NR6A1: variants seen among roughly 807,000 people sequenced by gnomAD.
NR6A1 encodes nuclear receptor subfamily 6 group A member 1, also known as retinoic acid receptor-related testis-associated receptor.
NR6A1 carries 7 observed loss-of-function variants against 59.1 expected under a neutral mutation model. That is an observed-to-expected ratio of 0.12 (90% CI 0.07 to 0.22). The LOEUF is 0.22. NR6A1 is among the 10% of genes least tolerant of loss of function. The pLI, the probability that NR6A1 is intolerant of heterozygous loss-of-function variation, is 1.00. For missense variants in NR6A1, 468 were observed against 611.6 expected (o/e 0.77, Z 2.48); for synonymous variants, 243 against 236.1 (o/e 1.03, Z -0.27).
At chr9:124,621,985 G>A (rs1312920264) in intron 2 of NR6A1, among the ~76,000 whole-genome samples, 1 of 152,122 alleles carries the variant, frequency 6.6e-6, no homozygotes, top group Non-Finnish European at 1.5e-5. Flanking sequence ...AGGCCGAGGC[G>A]GGCTGATCTC....
At chr9:124,574,017 C>T (rs1834522310) in intron 2 of NR6A1, among the ~76,000 whole-genome samples, 1 of 152,130 alleles carries the variant, frequency 6.6e-6, no homozygotes, top group South Asian at 2.1e-4. Context: ...CTAAAAACAT[C>T]AATATGTAAA....
At chr9:124,628,742 G>A (rs1322389691) in intron 2 of NR6A1, among the ~76,000 whole-genome samples, 2 of 151,992 alleles carry the variant, frequency 1.3e-5, no homozygotes, top group East Asian at 3.9e-4. Flanking sequence ...CCGGGTTCAA[G>A]CAATTCTCCT....
At chr9:124,634,655 A>G (rs949221263) in intron 2 of NR6A1, among the ~76,000 whole-genome samples, 3 of 152,194 alleles carry the variant, frequency 2.0e-5, no homozygotes, top group African/African-American at 7.2e-5. Flanking sequence ...CCCCGTCTCT[A>G]CTAAAAATAC....
intron 2 of NR6A1, among the ~76,000 whole-genome samples, chr9:124,588,587 G>A (rs77476881): frequency 6.7e-6 from 1 of 149,612 alleles, no homozygotes; most frequent in Non-Finnish European, 1.5e-5. Flanking sequence ...GATTACAGGC[G>A]TGAGCCACTG....
At chr9:124,585,602 C>T (rs1834906541) in intron 2 of NR6A1, among the ~76,000 whole-genome samples, 1 of 149,826 alleles carries the variant, frequency 6.7e-6, no homozygotes, top group Middle Eastern at 3.6e-3. Flanking sequence ...GATGTAGAAG[C>T]CGCAGCAAGT....
chr9:124,580,283 G>T (rs930736934), intron 2 of NR6A1, among the ~76,000 whole-genome samples: 1 of 152,096 alleles, frequency 6.6e-6, no homozygotes, highest in Non-Finnish European at 1.5e-5. Context: ...AGTTTCAAAA[G>T]ATTACATACT....
intron 2 of NR6A1, among the ~76,000 whole-genome samples, chr9:124,615,805 G>A (rs191526430): frequency 1.1e-4 from 17 of 152,158 alleles, no homozygotes; most frequent in Non-Finnish European, 1.5e-5. Flanking sequence ...TTGCCACTTA[G>A]TACTTGTACA....
At chr9:124,563,893 T>C (rs902298145) in intron 2 of NR6A1, among the ~76,000 whole-genome samples, 12 of 152,040 alleles carry the variant, frequency 7.9e-5, no homozygotes, top group African/African-American at 2.7e-4. Flanking sequence ...CTGGGTAACA[T>C]AGCAAGACCC....
At chr9:124,693,536 A>G (rs1838636029) in intron 2 of NR6A1, among the ~76,000 whole-genome samples, 1 of 152,214 alleles carries the variant, frequency 6.6e-6, no homozygotes, top group South Asian at 2.1e-4. Context: ...CCTCATCTGC[A>G]ATAACCTCCC....
chr9:124,529,150 T>C (rs1195678399), intron 7 of NR6A1, among the ~76,000 whole-genome samples: 3 of 152,182 alleles, frequency 2.0e-5, no homozygotes, highest in Non-Finnish European at 4.4e-5. Flanking sequence ...TACTGATACA[T>C]TCCCAGCCTG....
At chr9:124,526,711 AG>A in intron 8 of NR6A1, 67 bp downstream of exon 8, 1 of 1,595,094 alleles carries the variant, frequency 6.3e-7, no homozygotes, top group Non-Finnish European at 8.6e-7. Context: ...GGGGTGAAAC[AG>A]GAGGGCAAAT....
intron 2 of NR6A1, among the ~76,000 whole-genome samples, chr9:124,560,717 T>C (rs1046032006): frequency 6.6e-6 from 1 of 152,130 alleles, no homozygotes; most frequent in African/African-American, 2.4e-5. Flanking sequence ...TGTGCCACCA[T>C]GCCCGGCTAA....
chr9:124,682,366 AT>A (rs1306439923), intron 2 of NR6A1, among the ~76,000 whole-genome samples: 1 of 152,176 alleles, frequency 6.6e-6, no homozygotes, highest in East Asian at 1.9e-4. Flanking sequence ...AATATGCAAA[AT>A]TGTCTGAACT....
At chr9:124,683,477 C>G (rs1052679383) in intron 2 of NR6A1, among the ~76,000 whole-genome samples, 1 of 152,184 alleles carries the variant, frequency 6.6e-6, no homozygotes, top group African/African-American at 2.4e-5. Flanking sequence ...CCTGCTCTCA[C>G]TTAATTCTCA....
intron 2 of NR6A1, among the ~76,000 whole-genome samples, chr9:124,587,494 G>A (rs374236101): frequency 6.6e-6 from 1 of 152,150 alleles, no homozygotes; most frequent in Non-Finnish European, 1.5e-5. Context: ...TGAGGCCCTC[G>A]TGAAAGAAGG....
chr9:124,763,299 T>C (rs2131200778), intron 1 of NR6A1, among the ~76,000 whole-genome samples: 1 of 152,386 alleles, frequency 6.6e-6, no homozygotes, highest in East Asian at 1.9e-4. Flanking sequence ...ATATAATGAC[T>C]ACTAATACAG....
At chr9:124,630,039 C>A (rs1836378022) in intron 2 of NR6A1, among the ~76,000 whole-genome samples, 1 of 152,016 alleles carries the variant, frequency 6.6e-6, no homozygotes, top group African/African-American at 2.4e-5. Context: ...TACATGTTAT[C>A]AAGAGAGAAA....
chr9:124,757,826 G>A (rs1418647426), intron 1 of NR6A1, among the ~76,000 whole-genome samples: 1 of 152,170 alleles, frequency 6.6e-6, no homozygotes, highest in African/African-American at 2.4e-5. Flanking sequence ...TTGAAACATC[G>A]GGTATTCTCC....
intron 2 of NR6A1, among the ~76,000 whole-genome samples, chr9:124,673,906 T>C (rs1005278580): frequency 1.3e-5 from 2 of 152,182 alleles, no homozygotes; most frequent in South Asian, 2.1e-4. Context: ...ATTCACCTCA[T>C]TGTTGGAATT....
Sources: allele counts gnomAD v4.1 joint callset (sites outside exome capture counted in the v4.1 genomes callset), GRCh38; gene constraint gnomAD v4.1.1; transcripts MANE v1.5; gene names NCBI Gene and HGNC (gene_info 2026-07-23, HGNC 2026-07-21).